Variants in XKRX observed in about 807,000 individuals in gnomAD.
XKRX encodes the protein XK-related protein 2.
Under a neutral mutation model 22.4 loss-of-function variants are expected in XKRX, and 11 were observed. The observed-to-expected ratio is 0.49, with a 90% CI of 0.31 to 0.81. XKRX has a LOEUF of 0.81. XKRX is among the 40% of genes least tolerant of loss of function. The probability of loss-of-function intolerance (pLI) is 0.05; values close to 1 mark genes in which losing one functional copy is unlikely to be tolerated. For synonymous variants in XKRX, 114 were observed against 132.2 expected (o/e 0.86, Z 0.94); for missense variants, 320 against 336.5 (o/e 0.95, Z 0.38).
Position 100,928,483 on chromosome X carries a change from C to A in XKRX, c.-179G>T. On this transcript the variant is annotated 5_prime_UTR_variant, in exon 1 of 3. It introduces an in-frame stop codon into an upstream open reading frame of the 5' UTR. Coordinates refer to ENST00000372956, the MANE Select transcript of XKRX (RefSeq NM_212559.3). ...AACCGCTCTCTTCTAGACTCAGATT[C>A]GACTTGGAGTCTGGGATGGAAAGCC... 9.2e-7 allele frequency: 1 copy of A among 1,091,535 alleles called. No individual in the cohort carries two copies. Among genetic ancestry groups the A allele is most frequent in the Non-Finnish European group, 1.2e-6 (1 of 841,153 alleles). The allele number at this position is 1,091,535 out of a possible 1,213,427, so 90.0% of individuals were successfully genotyped here.
chrX:100,932,272 C>T (rs1358904149), upstream of XKRX, among the ~76,000 whole-genome samples: 1 of 111,559 alleles, frequency 9.0e-6, no homozygotes, highest in Non-Finnish European at 1.9e-5. Context: ...AAGATTCCAG[C>T]TCTTTACTCT....
Position 100,914,594 on chromosome X carries a change from A to G in XKRX, c.1094T>C (p.Leu365Ser), listed in dbSNP as rs371772649. The change falls in exon 3 of 3, where the codon TTG becomes TCG. Residue 365 changes from leucine to serine, a missense_variant. Transcript: ENST00000372956. ...VRLVENVIMV[L>S]VFKFFGVKVL... The stretch of plus-strand genomic sequence containing the variant: ...TTTCACTCCAAAGAACTTAAAAACC[A>G]AGACCATGATCACATTCTCTACCAA... The G allele has an allele frequency of 7.1e-5, 86 of 1,210,374 alleles. No homozygotes were observed. In the East Asian group the frequency reaches 1.0e-3, roughly 14 times the overall value.
the XKRX span, among the ~76,000 whole-genome samples, chrX:100,899,814 A>T: frequency 8.9e-6 from 1 of 111,974 alleles, no homozygotes; most frequent in Non-Finnish European, 1.9e-5. Context: ...GACTTGTACA[A>T]TGAAAATTAT....
At chrX:100,929,785 T>G (rs764838125), upstream of XKRX, among the ~76,000 whole-genome samples, 7 of 111,506 alleles carry the variant, frequency 6.3e-5, no homozygotes, top group Non-Finnish European at 1.3e-4. Context: ...GGTTGAAAGG[T>G]TATGAAGAGG....
the XKRX span, among the ~76,000 whole-genome samples, chrX:100,952,747 C>T: frequency 3.6e-5 from 4 of 111,918 alleles, no homozygotes; most frequent in African/African-American, 9.7e-5. Flanking sequence ...ATATAACATC[C>T]TTAATGATGA....
the XKRX span, among the ~76,000 whole-genome samples, chrX:100,943,903 C>T: frequency 1.8e-5 from 2 of 111,756 alleles, no homozygotes; most frequent in East Asian, 5.6e-4. Flanking sequence ...TACATATATA[C>T]GTGTATCCTT....
At chrX:100,910,749 C>T, downstream of XKRX, 1 of 738,328 alleles carries the variant, frequency 1.4e-6, no homozygotes, top group Non-Finnish European at 2.1e-6. Context: ...ACTGTAAACG[C>T]TATGGATATC....
chrX:100,946,894 T>C, the XKRX span, among the ~76,000 whole-genome samples: 1 of 110,871 alleles, frequency 9.0e-6, no homozygotes, highest in Non-Finnish European at 1.9e-5. Context: ...GGGTGAAGAG[T>C]AGATCAGGAG....
At position 100,914,766 on chromosome X, in the gene XKRX, T is replaced by G; in HGVS notation, c.922A>C (p.Thr308Pro). The G allele has an allele frequency of 8.3e-7, 1 of 1,211,227 alleles. No individual in the cohort carries two copies. Among genetic ancestry groups the G allele is most frequent in the Non-Finnish European group, 1.1e-6 (1 of 895,467 alleles). ...NIEKNFSRVG[T>P]LVVLISVTIL... Reference sequence around the variant, plus strand: ...GTGACTGAAATCAGGACCACCAGAGTGCCGACCCGGCTGAAGTTTTTCTCA... The same window carrying G: ...GTGACTGAAATCAGGACCACCAGAGGGCCGACCCGGCTGAAGTTTTTCTCA... Residue 308 changes from threonine (T) to proline (P), a missense_variant, in exon 3 of 3, where the codon ACT becomes CCT. Physicochemically the swap from Thr to Pro is conservative, Grantham distance 38 (BLOSUM62 -1). Coordinates refer to ENST00000372956, the MANE Select transcript of XKRX (RefSeq NM_212559.3).
the XKRX span, among the ~76,000 whole-genome samples, chrX:100,941,253 A>G: frequency 0.028 from 3,140 of 112,046 alleles, 95 homozygotes; most frequent in African/African-American, 0.097. Context: ...ATTAAATAAA[A>G]TTAAAATTTC....
intron 2 of XKRX, among the ~76,000 whole-genome samples, chrX:100,920,394 A>G (rs1193239816): frequency 9.0e-6 from 1 of 110,955 alleles, no homozygotes; most frequent in Non-Finnish European, 1.9e-5. Context: ...AAACATGTAC[A>G]ATATATATTG....
chrX:100,892,892 C>T, the XKRX span, among the ~76,000 whole-genome samples: 3,215 of 112,407 alleles, frequency 0.029, 108 homozygotes, highest in African/African-American at 0.099. Flanking sequence ...TTCATTGCAG[C>T]ATTCTTCACA....
At chrX:100,915,513 C>T (rs1026089823) in intron 2 of XKRX, among the ~76,000 whole-genome samples, 17 of 111,095 alleles carry the variant, frequency 1.5e-4, no homozygotes, top group Non-Finnish European at 1.3e-4. Flanking sequence ...ACAAACAGAA[C>T]GGCCAAACGA....
rs1193592188 is a variant in XKRX, at chrX:100,914,889, A to G, written c.799T>C (p.Leu267=). ...ILVLFSATLK[L]KAVPFLVLNF... ...AGCACTAGGAAGGGCACAGCCTTCA[A>G]TTTCAAAGTGGCTGAGAAGAGCACC... The change falls in exon 3 of 3, where the codon TTG becomes CTG. Residue 267 remains leucine, a synonymous_variant. Transcript: ENST00000372956. The G allele has an allele frequency of 4.1e-6, 5 of 1,209,887 alleles. No homozygotes were observed. Among genetic ancestry groups the G allele is most frequent in the Non-Finnish European group, 5.6e-6 (5 of 895,317 alleles).
At chrX:100,921,150 G>A (rs755412089) in intron 2 of XKRX, among the ~76,000 whole-genome samples, 57 of 111,240 alleles carry the variant, frequency 5.1e-4, no homozygotes, top group African/African-American at 1.7e-3. Flanking sequence ...CACCTGCCTC[G>A]GCTTCCCAAA....
chrX:100,939,766 T>C, the XKRX span, among the ~76,000 whole-genome samples: 1 of 112,057 alleles, frequency 8.9e-6, no homozygotes, highest in Admixed American at 9.5e-5. Context: ...GTCCATTCTT[T>C]TCTTCAGAAA....
intron 2 of XKRX, among the ~76,000 whole-genome samples, chrX:100,921,031 A>G (rs1027123518): frequency 9.0e-6 from 1 of 111,213 alleles, no homozygotes. Flanking sequence ...CCTCCCAAGT[A>G]GCTGGGATTA....
downstream of XKRX, among the ~76,000 whole-genome samples, chrX:100,913,184 C>T (rs1446454890): frequency 9.4e-6 from 1 of 106,176 alleles, no homozygotes; most frequent in Admixed American, 1.0e-4. Context: ...GAAAACAGAG[C>T]GAGACTCCAT....
intron 1 of XKRX, among the ~76,000 whole-genome samples, chrX:100,923,837 C>CTTTTTT (rs745938618): frequency 2.3e-5 from 2 of 88,119 alleles, no homozygotes; most frequent in Admixed American, 1.4e-4. Flanking sequence ...TTCTTTCTTT[C>CTTTTTT]TTTTTTTTTT....
Sources: gnomAD v4.1 joint callset for allele counts (sites outside exome capture counted in the v4.1 genomes callset) on GRCh38, gnomAD v4.1.1 for gene constraint, MANE v1.5 for transcripts, NCBI Gene and HGNC (gene_info 2026-07-23, HGNC 2026-07-21) for gene names.